The following UNC80 variants were observed in gnomAD, a reference collection of about 807,000 sequenced individuals.
The protein encoded by UNC80 is protein unc-80 homolog.
A neutral mutation model predicts 384.6 loss-of-function variants in UNC80; 164 were observed. The observed-to-expected ratio is 0.43, with a 90% CI of 0.38 to 0.49. UNC80 has a LOEUF of 0.49. Ranked by LOEUF, UNC80 falls within the 20% of genes least tolerant of loss-of-function variation. UNC80 has a pLI of 0.00. For synonymous variants in UNC80, 1,486 were observed against 1,527.8 expected, an observed-to-expected ratio of 0.97 and a Z score of 0.64; for missense variants, 3,330 against 4,143.0, an observed-to-expected ratio of 0.80 and a Z score of 5.39.
intron 21 of UNC80, among the ~76,000 whole-genome samples, chr2:209,843,223 T>G (rs2124824415): frequency 6.6e-6 from 1 of 152,356 alleles, no homozygotes; most frequent in South Asian, 2.1e-4. Flanking sequence ...ATATGCCATA[T>G]TTAAAATTAA....
At chr2:209,906,156 A>G (rs776351739) in intron 29 of UNC80, among the ~76,000 whole-genome samples, 116 of 152,206 alleles carry the variant, frequency 7.6e-4, no homozygotes, top group Non-Finnish European at 1.6e-3. Context: ...GATAATATGT[A>G]CATCAAACAA....
rs147021219 is a variant in UNC80, at chr2:209,821,222, A to T, written c.2331+543A>T. On this transcript the variant is annotated intron_variant, in intron 13 of 64. Transcript: ENST00000673920. ...TTCTCATGTGGCCTCTTCTTTGTGC[A>T]TGCAGAGAAAGCAAAAGAGAGAGAG... Among the ~76,000 whole-genome samples, 9 of 152,200 alleles carry T rather than the reference A, an allele frequency of 5.9e-5. No individual in the cohort carries two copies. The East Asian group carries it at 9.7e-4, about 16-fold the overall frequency.
chr2:209,902,110 T>C (rs1175920511), intron 28 of UNC80, among the ~76,000 whole-genome samples: 1 of 152,082 alleles, frequency 6.6e-6, no homozygotes, highest in Admixed American at 6.6e-5. Context: ...TAACAGGAGT[T>C]TGGAAGTAGT....
chr2:209,829,736 C>T (rs904682041), intron 15 of UNC80, among the ~76,000 whole-genome samples: 1 of 152,044 alleles, frequency 6.6e-6, no homozygotes, highest in Non-Finnish European at 1.5e-5. Flanking sequence ...ATTAGTTCAA[C>T]GGATGTGAAA....
rs377263179 is a variant in UNC80 at position 209,922,371 on chromosome 2, G to C, written c.5650G>C (p.Val1884Leu). The change falls in exon 35 of 65, where the codon GTC (valine) becomes CTC (leucine). Residue 1884 changes from valine (V) to leucine (L), a missense_variant. Coordinates refer to ENST00000673920, the MANE Select transcript of UNC80 (RefSeq NM_001371986.1). ...RGSVWSVRSA[V>L]SAEDEEHTTE... ...GTCAGTCTGGTCAGTGCGTTCAGCCGTCAGTGCTGAAGGTGTGTCCTCTTG... is the reference window on the plus strand; with the variant it reads ...GTCAGTCTGGTCAGTGCGTTCAGCCCTCAGTGCTGAAGGTGTGTCCTCTTG... 6.4e-7 allele frequency: 1 copy of C among 1,551,578 alleles called. No individual in the cohort carries two copies.
intron 22 of UNC80, among the ~76,000 whole-genome samples, chr2:209,864,121 A>G (rs139594027): frequency 2.0e-5 from 3 of 151,640 alleles, no homozygotes; most frequent in African/African-American, 7.3e-5. Flanking sequence ...GAGCTGCTGC[A>G]GTTTGCTGGG....
chr2:209,843,900 A>G (rs1192224966), intron 21 of UNC80, among the ~76,000 whole-genome samples: 2 of 152,228 alleles, frequency 1.3e-5, no homozygotes, highest in Admixed American at 6.5e-5. Flanking sequence ...TGATATCCTT[A>G]CAACTCTATC....
intron 61 of UNC80, among the ~76,000 whole-genome samples, chr2:209,989,481 T>C (rs567491719): frequency 1.9e-4 from 29 of 152,212 alleles, no homozygotes; most frequent in Non-Finnish European, 4.0e-4. Context: ...TATTGGAGTA[T>C]GATATTTTGT....
chr2:209,804,896 T>C (rs2078796146), intron 7 of UNC80, among the ~76,000 whole-genome samples: 1 of 152,074 alleles, frequency 6.6e-6, no homozygotes, highest in Non-Finnish European at 1.5e-5. Context: ...GGGTATGGCC[T>C]GAGATCATTC....
chr2:209,815,874 C>G (rs960271950), intron 9 of UNC80, among the ~76,000 whole-genome samples: 1 of 152,100 alleles, frequency 6.6e-6, no homozygotes, highest in Non-Finnish European at 1.5e-5. Context: ...TAGTTAAATA[C>G]GTTATATTTT....
In UNC80 at chr2:209,965,517, G is replaced by A. The variant is rs367844083; in HGVS notation, c.7806-1920G>A. On this transcript the variant is annotated intron_variant, in intron 51 of 64. Coordinates refer to ENST00000673920, the MANE Select transcript of UNC80 (RefSeq NM_001371986.1). Reference sequence around the variant, plus strand: ...GTCTTGCTCTGTCACCCAGGCTAGAGTGCAGTGGCACAATCTCCTCAGCCT... The same window carrying A: ...GTCTTGCTCTGTCACCCAGGCTAGAATGCAGTGGCACAATCTCCTCAGCCT... Among the ~76,000 whole-genome samples the A allele has an allele frequency of 1.2e-3, 189 of 151,254 alleles. 1 individual carries two copies. In the Middle Eastern group the frequency reaches 0.014, roughly 11 times the overall value.
chr2:209,827,478 C>T (rs1263592816), intron 14 of UNC80, among the ~76,000 whole-genome samples: 2 of 152,118 alleles, frequency 1.3e-5, no homozygotes, highest in East Asian at 3.9e-4. Flanking sequence ...TCACTTAGTT[C>T]ATCATACTTT....
At position 209,933,812 on chromosome 2, in the gene UNC80, T is replaced by G; in HGVS notation, c.5995-10T>G. 6.5e-7 allele frequency: 1 copy of G among 1,546,290 alleles called. No homozygotes were observed. Among genetic ancestry groups the G allele is most frequent in the Non-Finnish European group, 8.7e-7 (1 of 1,144,302 alleles). ...GTAGCTTTGTGAACTCTTCTTATAC[T>G]GACTTCTAGGTAGGATTAATCATGT... On this transcript the variant is annotated splice_polypyrimidine_tract_variant and intron_variant, in intron 38 of 64. Transcript: ENST00000673920.
At chr2:209,804,394 T>C (rs935422471) in intron 7 of UNC80, among the ~76,000 whole-genome samples, 1 of 152,196 alleles carries the variant, frequency 6.6e-6, no homozygotes, top group African/African-American at 2.4e-5. Context: ...GCTTTCCTTT[T>C]TCAAAAAAGA....
At chr2:209,844,135 A>G (rs114207535) in intron 21 of UNC80, among the ~76,000 whole-genome samples, 2,036 of 152,274 alleles carry the variant, frequency 0.013, 50 homozygotes, top group African/African-American at 0.045. Context: ...TTTGGAGACA[A>G]TATGTCTCAC....
At chr2:209,875,679 A>T (rs951895734) in intron 23 of UNC80, among the ~76,000 whole-genome samples, 4 of 152,184 alleles carry the variant, frequency 2.6e-5, no homozygotes, top group Admixed American at 2.6e-4. Context: ...AACTTCAATT[A>T]TGTGGCCCCT....
intron 38 of UNC80, 35 bp downstream of exon 38, chr2:209,931,089 A>G: frequency 6.9e-7 from 1 of 1,446,604 alleles, no homozygotes; most frequent in Non-Finnish European, 9.4e-7. Context: ...ATTACGAAGC[A>G]GCACCATGAT....
rs558050131 is a variant in UNC80, at chr2:209,934,912, A to G, written c.6179-802A>G. On this transcript the variant is annotated intron_variant, in intron 39 of 64. Coordinates refer to ENST00000673920, the MANE Select transcript of UNC80 (RefSeq NM_001371986.1). The stretch of plus-strand genomic sequence containing the variant: ...GTGATCAGTTTTTATTACAGCAAAG[A>G]AACTCCTATTTTTAACATACTTAAA... 7.2e-5 allele frequency among the ~76,000 whole-genome samples: 11 copies of G among 152,332 alleles called. No individual in the cohort carries two copies. In the East Asian group the frequency reaches 2.1e-3, roughly 29 times the overall value.
chr2:209,944,840 T>G (rs1349125684), intron 45 of UNC80, among the ~76,000 whole-genome samples: 2 of 152,150 alleles, frequency 1.3e-5, no homozygotes, highest in East Asian at 1.9e-4. Context: ...TCTCTTTTGT[T>G]CTATATTAGA....
Sources: gnomAD v4.1 joint callset for allele counts (sites outside exome capture counted in the v4.1 genomes callset) on GRCh38, gnomAD v4.1.1 for gene constraint, MANE v1.5 for transcripts, NCBI Gene and HGNC (gene_info 2026-07-23, HGNC 2026-07-21) for gene names.